Variants in DIAPH3 observed in about 807,000 individuals in gnomAD.
The protein encoded by DIAPH3 is protein diaphanous homolog 3.
In DIAPH3, 117 loss-of-function variants were observed where a neutral mutation model predicts 144.3. The ratio of observed to expected loss-of-function variants is 0.81; its 90% CI spans 0.70 to 0.95. The LOEUF (loss-of-function observed/expected upper bound fraction) is 0.95, where lower values mean the gene tolerates loss of function less well. DIAPH3 is among the 40% of genes least tolerant of loss of function. The pLI, the probability that DIAPH3 is intolerant of heterozygous loss-of-function variation, is 0.00. For missense variants in DIAPH3, 1,421 were observed against 1,412.7 expected (o/e 1.01, Z -0.09); for synonymous variants, 519 against 488.9 (o/e 1.06, Z -0.81).
At position 60,045,749 on chromosome 13, in the gene DIAPH3, T is replaced by C. The variant is rs982429217; in HGVS notation, c.496-2929A>G. On this transcript the variant is annotated intron_variant, in intron 4 of 27. Coordinates refer to ENST00000400324, the MANE Select transcript of DIAPH3 (RefSeq NM_001042517.2). ...AATTTATTACCGAAAAACTTGCAATTTGGGTAGGATCAAAATAAACCACAA... is the reference window on the plus strand; with the variant it reads ...AATTTATTACCGAAAAACTTGCAATCTGGGTAGGATCAAAATAAACCACAA... 5.3e-5 allele frequency among the ~76,000 whole-genome samples: 8 copies of C among 152,304 alleles called. 1 individual carries two copies. Among genetic ancestry groups the C allele is most frequent in the Admixed American group, 4.6e-4 (7 of 15,300 alleles).
chr13:59,806,477 A>T (rs962212365), intron 25 of DIAPH3, among the ~76,000 whole-genome samples: 8 of 152,042 alleles, frequency 5.3e-5, no homozygotes, highest in African/African-American at 1.9e-4. Context: ...TTTTTATTAA[A>T]CAATATTTAA....
chr13:59,784,565 T>C (rs1489009086), intron 25 of DIAPH3, among the ~76,000 whole-genome samples: 1 of 151,366 alleles, frequency 6.6e-6, no homozygotes, highest in Non-Finnish European at 1.5e-5. Context: ...TTAGTAGAGA[T>C]GGGGTTTCAC....
intron 17 of DIAPH3, among the ~76,000 whole-genome samples, chr13:59,967,219 A>G (rs1040081327): frequency 1.3e-5 from 2 of 149,838 alleles, no homozygotes; most frequent in Admixed American, 1.3e-4. Flanking sequence ...GGTGTGCACC[A>G]CCATGCCTGG....
Position 60,093,544 on chromosome 13 carries a change from C to G in DIAPH3, c.495+84G>C, listed in dbSNP as rs112513888. ...CCCTCTGATTACAGTTGCCCACAAA[C>G]TTAAGTACTTCATTAGATAAATGTG... On this transcript the variant is annotated intron_variant, in intron 4 of 27. Coordinates refer to ENST00000400324, the MANE Select transcript of DIAPH3 (RefSeq NM_001042517.2). 2.3e-4 allele frequency: 207 copies of G among 902,904 alleles called. 1 individual carries two copies. The highest frequency in any genetic ancestry group is 1.5e-3 in the South Asian group (107 of 72,454). The allele number at this position is 902,904 out of a possible 1,614,324, so 55.9% of individuals were successfully genotyped here. A position where few individuals can be genotyped will look rare whatever the true frequency, so the allele number is the denominator to read the frequency against.
chr13:59,885,651 T>C (rs1214481968), intron 20 of DIAPH3, among the ~76,000 whole-genome samples: 1 of 152,056 alleles, frequency 6.6e-6, no homozygotes, highest in Non-Finnish European at 1.5e-5. Context: ...ACAAAAGGTA[T>C]GTCTAAATCC....
Position 59,695,521 on chromosome 13 carries a change from G to T in DIAPH3, c.3320-28675C>A, listed in dbSNP as rs559387584. ...ACAAAGCACAGTAGAAAAGTCACTAGACAAATATTAGTTCTATTAAATGGC... is the reference window on the plus strand; with the variant it reads ...ACAAAGCACAGTAGAAAAGTCACTATACAAATATTAGTTCTATTAAATGGC... On this transcript the variant is annotated intron_variant, in intron 27 of 27. Coordinates refer to ENST00000400324, the MANE Select transcript of DIAPH3 (RefSeq NM_001042517.2). The T allele has an allele frequency of 2.0e-5, 3 of 152,294 alleles. No individual in the cohort carries two copies. The South Asian group carries it at 6.2e-4, about 32-fold the overall frequency. 9.4% of individuals were successfully genotyped at this position (152,294 alleles called of 1,614,324 possible).
At chr13:59,907,789 A>C (rs1453736997) in intron 20 of DIAPH3, among the ~76,000 whole-genome samples, 1 of 152,244 alleles carries the variant, frequency 6.6e-6, no homozygotes, top group African/African-American at 2.4e-5. Context: ...TGAGTACCAC[A>C]AAAAGTATCC....
At chr13:59,946,758 A>T (rs2048818470) in intron 17 of DIAPH3, among the ~76,000 whole-genome samples, 1 of 152,146 alleles carries the variant, frequency 6.6e-6, no homozygotes, top group Non-Finnish European at 1.5e-5. Context: ...TACATAACGG[A>T]TATGTTATTT....
intron 20 of DIAPH3, among the ~76,000 whole-genome samples, chr13:59,882,782 A>C (rs2140076456): frequency 6.6e-6 from 1 of 152,352 alleles, no homozygotes; most frequent in South Asian, 2.1e-4. Context: ...ATTGTTACAA[A>C]GTCTTGGCAA....
intron 20 of DIAPH3, among the ~76,000 whole-genome samples, chr13:59,882,337 A>G (rs969417648): frequency 1.3e-5 from 2 of 152,060 alleles, no homozygotes; most frequent in African/African-American, 4.8e-5. Context: ...TGATCCACCC[A>G]CTTGGGCTTC....
chr13:59,920,072 A>G (rs2047434224), intron 18 of DIAPH3, among the ~76,000 whole-genome samples: 1 of 152,014 alleles, frequency 6.6e-6, no homozygotes, highest in South Asian at 2.1e-4. Context: ...AAGCAAAAAA[A>G]TCAAAACATA....
At chr13:60,033,066 T>A (rs545864101) in intron 5 of DIAPH3, among the ~76,000 whole-genome samples, 3 of 152,344 alleles carry the variant, frequency 2.0e-5, no homozygotes, top group South Asian at 2.1e-4. Flanking sequence ...AGCCAAATTC[T>A]TTGCTAAGGC....
chr13:59,992,629 A>C, intron 9 of DIAPH3, 46 bp from the exon 10 acceptor site: 1 of 1,443,096 alleles, frequency 6.9e-7, no homozygotes, highest in Non-Finnish European at 9.7e-7. Context: ...CCAACATTAA[A>C]GAAAGAGTAA....
chr13:59,841,785 C>T (rs2042361679), intron 22 of DIAPH3, among the ~76,000 whole-genome samples: 3 of 152,200 alleles, frequency 2.0e-5, no homozygotes, highest in Middle Eastern at 6.8e-3. Context: ...TTATGTATGT[C>T]AGGTACCGTC....
At chr13:59,904,531 G>A (rs536408741) in intron 20 of DIAPH3, among the ~76,000 whole-genome samples, 1 of 151,874 alleles carries the variant, frequency 6.6e-6, no homozygotes, top group South Asian at 2.1e-4. Flanking sequence ...CATATTTAGG[G>A]GCATTTCATT....
At chr13:59,995,441 G>T (rs2052131261) in intron 9 of DIAPH3, among the ~76,000 whole-genome samples, 1 of 151,902 alleles carries the variant, frequency 6.6e-6, no homozygotes, top group Non-Finnish European at 1.5e-5. Context: ...CTTCTTGAGA[G>T]CATCTAGTTA....
At chr13:59,798,955 C>T (rs1384006361) in intron 25 of DIAPH3, among the ~76,000 whole-genome samples, 1 of 152,020 alleles carries the variant, frequency 6.6e-6, no homozygotes, top group Admixed American at 6.6e-5. Context: ...AAGAAGGCTG[C>T]AGAAGCACCA....
At chr13:59,916,371 T>A in intron 18 of DIAPH3, 122 bp from the exon 19 acceptor site, 1 of 779,740 alleles carries the variant, frequency 1.3e-6, no homozygotes, top group Non-Finnish European at 2.1e-6. Flanking sequence ...ACATTTAATA[T>A]TATGTTTGGG....
chr13:59,983,055 T>C (rs1051545389), intron 13 of DIAPH3, among the ~76,000 whole-genome samples: 3 of 150,930 alleles, frequency 2.0e-5, no homozygotes, highest in Non-Finnish European at 4.4e-5. Flanking sequence ...GCTCACTTTA[T>C]TTCATTTTTA....
Sources: allele counts gnomAD v4.1 joint callset (sites outside exome capture counted in the v4.1 genomes callset), GRCh38; gene constraint gnomAD v4.1.1; transcripts MANE v1.5; gene names NCBI Gene and HGNC (gene_info 2026-07-23, HGNC 2026-07-21).